The following BANK1 variants were observed in gnomAD, a reference collection of about 807,000 sequenced individuals.
BANK1 encodes the protein B cell scaffold protein with ankyrin repeats 1, also known as B-cell scaffold protein with ankyrin repeats.
BANK1 carries 95 observed loss-of-function variants against 94.5 expected under a neutral mutation model. The ratio of observed to expected loss-of-function variants is 1.00; its 90% CI spans 0.85 to 1.19. The LOEUF is 1.19. Among genes scored for constraint, BANK1 ranks in the 50% most tolerant of loss-of-function variants. BANK1 has a pLI of 0.00. For missense variants in BANK1, 987 were observed against 932.2 expected (o/e 1.06, Z -0.77); for synonymous variants, 334 against 308.4 (o/e 1.08, Z -0.87).
At chr4:101,888,696 C>A (rs1444831673) in intron 5 of BANK1, among the ~76,000 whole-genome samples, 1 of 152,142 alleles carries the variant, frequency 6.6e-6, no homozygotes, top group East Asian at 1.9e-4. Context: ...GAAAAATCTA[C>A]CTTGCAGGAT....
Position 102,025,424 on chromosome 4 carries a change from A to T in BANK1, c.1509A>T (p.Pro503=), listed in dbSNP as rs1450856884. The T allele has an allele frequency of 5.6e-6, 9 of 1,614,026 alleles. No homozygotes were observed. The highest frequency in any genetic ancestry group is 7.6e-6 in the Non-Finnish European group (9 of 1,179,992). The part of the protein sequence containing the change: ...GADPENNSQE[P]LMSSRPPLPP... ...ATCCAGAAAATAATTCACAAGAGCC[A>T]CTCATGAGCAGCAGACCTCCTCTCC... The change falls in exon 9 of 17, where the codon CCA becomes CCT. Residue 503 remains proline (P), a synonymous_variant. Transcript: ENST00000322953.
rs774733191 is a variant in BANK1, at chr4:102,030,087, A to G, written c.1722A>G (p.Glu574=). 9 of 1,613,886 alleles carry G rather than the reference A, an allele frequency of 5.6e-6. No homozygotes were observed. Among genetic ancestry groups the G allele is most frequent in the South Asian group, 4.4e-5 (4 of 91,068 alleles). Reference sequence around the variant, plus strand: ...AAGAGGAAAAAGAGCAGGAGGAGGAAGAAGACCCATATACTTTTGCTGAGA... The same window carrying G: ...AAGAGGAAAAAGAGCAGGAGGAGGAGGAAGACCCATATACTTTTGCTGAGA... ...KKEEEKEQEE[E]EDPYTFAEID... Residue 574 remains glutamate (E), a synonymous_variant, in exon 10 of 17, where the codon GAA becomes GAG. Transcript: ENST00000322953.
chr4:102,058,035 C>A (rs1453984106), intron 11 of BANK1, among the ~76,000 whole-genome samples: 1 of 152,044 alleles, frequency 6.6e-6, no homozygotes, highest in African/African-American at 2.4e-5. Flanking sequence ...ATAATAAGCA[C>A]TTTCTATGTT....
rs569343065 is a variant in BANK1, at chr4:102,068,642, C to T, written c.2213-2633C>T. Among the ~76,000 whole-genome samples, 158 of 152,170 alleles carry T rather than the reference C, an allele frequency of 1.0e-3. 1 individual carries two copies. Among genetic ancestry groups the T allele is most frequent in the African/African-American group, 3.4e-3 (143 of 41,538 alleles). On this transcript the variant is annotated intron_variant, in intron 13 of 16. Transcript: ENST00000322953. ...AAGAGTTCAAGACCAGCCTGGCCAA[C>T]ATGGTGAAACCCTGTCTCTTATAAA...
Position 102,025,517 on chromosome 4 carries a change from T to G in BANK1, c.1594+8T>G. 1 of 1,606,570 alleles carries G rather than the reference T, an allele frequency of 6.2e-7. No individual in the cohort carries two copies. Reference sequence around the variant, plus strand: ...CTCACTTCACCTTACCAGGTAAGTTTAAGGTTAGAAAAAAACAAAACAAAA... The same window carrying G: ...CTCACTTCACCTTACCAGGTAAGTTGAAGGTTAGAAAAAAACAAAACAAAA... On this transcript the variant is annotated splice_region_variant and intron_variant, in intron 9 of 16. Coordinates refer to ENST00000322953, the MANE Select transcript of BANK1 (RefSeq NM_017935.5).
chr4:101,962,732 A>T (rs571770241), intron 7 of BANK1, among the ~76,000 whole-genome samples: 1 of 152,118 alleles, frequency 6.6e-6, no homozygotes, highest in Admixed American at 6.6e-5. Flanking sequence ...TGCGATATAC[A>T]TTCGTTTCTA....
chr4:101,949,327 G>A (rs1724052220), intron 7 of BANK1, among the ~76,000 whole-genome samples: 1 of 152,126 alleles, frequency 6.6e-6, no homozygotes, highest in African/African-American at 2.4e-5. Context: ...CCAGTGAACT[G>A]TGGCCAAACC....
intron 10 of BANK1, among the ~76,000 whole-genome samples, chr4:102,043,506 C>T (rs546160387): frequency 2.6e-5 from 4 of 152,088 alleles, no homozygotes; most frequent in African/African-American, 7.2e-5. Context: ...TGGAATTTTT[C>T]ATATGATTTT....
intron 7 of BANK1, among the ~76,000 whole-genome samples, chr4:101,953,899 G>A (rs1271763366): frequency 6.6e-6 from 1 of 152,050 alleles, no homozygotes; most frequent in Non-Finnish European, 1.5e-5. Context: ...GTTTTCTAGG[G>A]CTGTTGTAGC....
chr4:101,903,314 A>G (rs972880071), intron 6 of BANK1, among the ~76,000 whole-genome samples: 4 of 152,226 alleles, frequency 2.6e-5, no homozygotes, highest in Admixed American at 2.6e-4. Flanking sequence ...AAGACTATTT[A>G]TACAAGCTAG....
At chr4:101,853,652 G>T (rs765954534) in intron 2 of BANK1, among the ~76,000 whole-genome samples, 1 of 152,110 alleles carries the variant, frequency 6.6e-6, no homozygotes, top group East Asian at 1.9e-4. Context: ...AGAAGCAGGC[G>T]TAATTTTATG....
chr4:101,986,248 A>C (rs1006809532), intron 7 of BANK1, among the ~76,000 whole-genome samples: 1 of 152,130 alleles, frequency 6.6e-6, no homozygotes, highest in Admixed American at 6.6e-5. Context: ...ATGTTCCTAA[A>C]ATAGAGCTTA....
intron 1 of BANK1, among the ~76,000 whole-genome samples, chr4:101,829,157 G>A (rs530833910): frequency 8.6e-5 from 13 of 151,868 alleles, no homozygotes; most frequent in Non-Finnish European, 1.5e-4. Flanking sequence ...CCACCGCGCC[G>A]GGCAAGATCT....
chr4:101,792,387 C>A (rs144648517), intron 1 of BANK1, among the ~76,000 whole-genome samples: 5 of 149,714 alleles, frequency 3.3e-5, no homozygotes, highest in South Asian at 2.1e-4. Context: ...TGACATTATC[C>A]CATGCCCATA....
intron 7 of BANK1, among the ~76,000 whole-genome samples, chr4:101,963,501 T>C (rs921061007): frequency 1.3e-5 from 2 of 151,940 alleles, no homozygotes; most frequent in African/African-American, 4.8e-5. Context: ...TGTTTACACA[T>C]ATGCCATTTT....
At chr4:102,064,697 C>A (rs562970307) in intron 13 of BANK1, among the ~76,000 whole-genome samples, 2 of 152,272 alleles carry the variant, frequency 1.3e-5, no homozygotes, top group African/African-American at 4.8e-5. Context: ...TATTACCAGG[C>A]AAATATATGA....
intron 6 of BANK1, among the ~76,000 whole-genome samples, chr4:101,901,877 C>T (rs1188041321): frequency 6.6e-6 from 1 of 152,170 alleles, no homozygotes; most frequent in Non-Finnish European, 1.5e-5. Flanking sequence ...TCTCCTGCCT[C>T]AGCCTCCTGA....
chr4:102,025,243 A>G lies in BANK1; in HGVS notation c.1328A>G (p.Tyr443Cys), dbSNP rs1370995339. The G allele has an allele frequency of 6.2e-7, 1 of 1,614,066 alleles. No individual in the cohort carries two copies. Among genetic ancestry groups the G allele is most frequent in the African/African-American group, 1.3e-5 (1 of 74,930 alleles). The change falls in exon 9 of 17, where the codon TAC becomes TGC. Residue 443 changes from tyrosine to cysteine, a missense_variant. Coordinates refer to ENST00000322953, the MANE Select transcript of BANK1 (RefSeq NM_017935.5). The stretch of plus-strand genomic sequence containing the variant: ...TTTCATCATGAAAGCAGGAAGACAT[A>G]CGGGCAGAGTGCAGATGGAGCTGAG... ...PAFHHESRKT[Y>C]GQSADGAEAN...
intron 6 of BANK1, among the ~76,000 whole-genome samples, chr4:101,896,892 T>G (rs1253042228): frequency 6.6e-6 from 1 of 151,986 alleles, no homozygotes; most frequent in Non-Finnish European, 1.5e-5. Flanking sequence ...AGATAGATAA[T>G]TGATTACATA....
Sources: gnomAD v4.1 joint callset for allele counts (sites outside exome capture counted in the v4.1 genomes callset) on GRCh38, gnomAD v4.1.1 for gene constraint, MANE v1.5 for transcripts, NCBI Gene and HGNC (gene_info 2026-07-23, HGNC 2026-07-21) for gene names.